The following DTWD1 variants were observed in gnomAD, a reference collection of about 807,000 sequenced individuals.
DTWD1 encodes tRNA-uridine aminocarboxypropyltransferase 1.
In DTWD1, 27 loss-of-function variants were observed where a neutral mutation model predicts 30.2. The ratio of observed to expected loss-of-function variants is 0.90; its 90% CI spans 0.66 to 1.23. The LOEUF (loss-of-function observed/expected upper bound fraction) is 1.23. Among genes scored for constraint, DTWD1 ranks in the 50% most tolerant of loss-of-function variants. The probability of loss-of-function intolerance (pLI) is 0.00; values close to 1 mark genes in which losing one functional copy is unlikely to be tolerated. For missense variants in DTWD1, 342 were observed against 348.8 expected (o/e 0.98, Z 0.15); for synonymous variants, 99 against 113.1 (o/e 0.88, Z 0.79).
At chr15:49,627,145 A>T (rs191266716) in intron 2 of DTWD1, among the ~76,000 whole-genome samples, 10 of 152,204 alleles carry the variant, frequency 6.6e-5, no homozygotes, top group Non-Finnish European at 1.2e-4. Flanking sequence ...GGTATTTTCC[A>T]AATCAGTGGT....
At chr15:49,623,703 A>G (rs992459604) in intron 1 of DTWD1, 2 of 152,170 alleles carry the variant, frequency 1.3e-5, no homozygotes, top group Non-Finnish European at 2.9e-5. Flanking sequence ...GTGATTCCTA[A>G]AAGAATCTGA....
rs1252110335 is a variant in DTWD1, at chr15:49,651,745, T to G, written c.*8167T>G. On this transcript the variant is annotated 3_prime_UTR_variant, in exon 5 of 5. Transcript: ENST00000403028. ...CCTCAGTCAGTATCACCATTTGAGT[T>G]TACTTAGTATTGTATTGACCAGCAT... The G allele has an allele frequency of 1.3e-5, 2 of 152,188 alleles. No individual in the cohort carries two copies. The highest frequency in any genetic ancestry group is 2.4e-5 in the African/African-American group (1 of 41,458). 9.4% of individuals were successfully genotyped at this position (152,188 alleles called of 1,614,324 possible).
In DTWD1 at chr15:49,652,122, A is replaced by G. The variant is rs757283986; in HGVS notation, c.*8544A>G. The G allele has an allele frequency of 1.3e-5, 2 of 152,134 alleles. No individual in the cohort carries two copies. Among genetic ancestry groups the G allele is most frequent in the Non-Finnish European group, 2.9e-5 (2 of 68,014 alleles). The allele number at this position is 152,134 out of a possible 1,614,324, so 9.4% of individuals were successfully genotyped here. A position where few individuals can be genotyped will look rare whatever the true frequency, so the allele number is the denominator to read the frequency against. ...AGAAGAGGTGCCTCCCCTCCGTGCC[A>G]TCACTTTTAATGACCCATATGGTAC... On this transcript the variant is annotated 3_prime_UTR_variant, in exon 5 of 5. Transcript: ENST00000403028.
intron 4 of DTWD1, among the ~76,000 whole-genome samples, chr15:49,642,057 A>C (rs2079071752): frequency 6.6e-6 from 1 of 150,662 alleles, no homozygotes; most frequent in Non-Finnish European, 1.5e-5. Flanking sequence ...TCTTCCTCGA[A>C]CTCCTGTTAG....
rs1249501731 is a variant in DTWD1, at chr15:49,644,773, CTT to C, written c.*1196_*1197del. The C allele has an allele frequency of 6.6e-6, 1 of 152,148 alleles. No homozygotes were observed. The highest frequency in any genetic ancestry group is 1.5e-5 in the Non-Finnish European group (1 of 68,022). 9.4% of individuals were successfully genotyped at this position (152,148 alleles called of 1,614,324 possible). ...TGCTCCCTCCCTTTACCCCTTTTCA[CTT>C]AGGGTTGGTAATAGCTTACAGTTAT... On this transcript the variant is annotated 3_prime_UTR_variant, in exon 5 of 5. Transcript: ENST00000403028.
chr15:49,632,996 AT>A (rs1280556045), intron 3 of DTWD1, among the ~76,000 whole-genome samples: 1 of 147,192 alleles, frequency 6.8e-6, no homozygotes. Flanking sequence ...TAGTGCATTC[AT>A]TTGTTCCAGG....
In DTWD1 at chr15:49,630,927, A is replaced by T. The variant is rs113710192; in HGVS notation, c.265-1232A>T. The T allele has an allele frequency of 2.1e-3, 867 of 410,388 alleles. 9 individuals carry two copies. The highest frequency in any genetic ancestry group is 0.016 in the African/African-American group (777 of 48,288). The allele number at this position is 410,388 out of a possible 1,614,324, so 25.4% of individuals were successfully genotyped here. A position where few individuals can be genotyped will look rare whatever the true frequency, so the allele number is the denominator to read the frequency against. ...ATGAACCCTATTGTGAACTGTGCAT[A>T]CAAGGGACCTAGATTGCATGCTCCT... On this transcript the variant is annotated intron_variant, in intron 2 of 4. Transcript: ENST00000403028.
At chr15:49,640,713 A>T (rs2079055797) in intron 4 of DTWD1, among the ~76,000 whole-genome samples, 1 of 149,920 alleles carries the variant, frequency 6.7e-6, no homozygotes, top group Non-Finnish European at 1.5e-5. Context: ...TTATTTGGCC[A>T]TATACGTGTC....
intron 4 of DTWD1, among the ~76,000 whole-genome samples, chr15:49,635,897 GA>G (rs2078995679): frequency 1.3e-5 from 2 of 152,236 alleles, no homozygotes; most frequent in East Asian, 3.9e-4. Context: ...ACAGCTGTGA[GA>G]CCATCACTAC....
At chr15:49,628,660 CTT>C (rs766567516) in intron 2 of DTWD1, among the ~76,000 whole-genome samples, 10 of 152,028 alleles carry the variant, frequency 6.6e-5, no homozygotes, top group Non-Finnish European at 1.2e-4. Context: ...TGGTAAGTCT[CTT>C]TTATAAAACA....
At chr15:49,637,920 T>C (rs1352593345) in intron 4 of DTWD1, among the ~76,000 whole-genome samples, 3 of 152,214 alleles carry the variant, frequency 2.0e-5, no homozygotes, top group Admixed American at 2.0e-4. Flanking sequence ...GAAAGTCTAA[T>C]TGTGTGCGCT....
intron 2 of DTWD1, chr15:49,631,066 G>A (rs1001571146): frequency 1.2e-5 from 5 of 404,044 alleles, no homozygotes; most frequent in Non-Finnish European, 2.5e-5. Context: ...ATGGTGAGTT[G>A]TATAATTATT....
intron 1 of DTWD1, among the ~76,000 whole-genome samples, chr15:49,621,775 G>A (rs2078724264): frequency 6.6e-6 from 1 of 152,164 alleles, no homozygotes; most frequent in African/African-American, 2.4e-5. Context: ...ATGGCGGGTG[G>A]TGTGGGAGAG....
At chr15:49,630,723 C>G (rs957405517) in intron 2 of DTWD1, 8 of 152,500 alleles carry the variant, frequency 5.2e-5, no homozygotes, top group African/African-American at 1.9e-4. Flanking sequence ...CAGGGGTCCC[C>G]AATCCCCAGA....
At chr15:49,631,344 G>A (rs1205391032) in intron 2 of DTWD1, among the ~76,000 whole-genome samples, 1 of 152,180 alleles carries the variant, frequency 6.6e-6, no homozygotes. Flanking sequence ...TTGAAAATGT[G>A]ATGCCGAAAA....
intron 4 of DTWD1, among the ~76,000 whole-genome samples, 154 bp downstream of exon 4, chr15:49,634,948 G>A (rs1339774691): frequency 6.6e-6 from 1 of 152,240 alleles, no homozygotes; most frequent in Middle Eastern, 3.4e-3. Flanking sequence ...ATATGTGAGT[G>A]TGTATTTATA....
At chr15:49,627,178 A>G (rs957341036) in intron 2 of DTWD1, among the ~76,000 whole-genome samples, 27 of 152,140 alleles carry the variant, frequency 1.8e-4, no homozygotes, top group African/African-American at 6.3e-4. Flanking sequence ...ATTTAATAGA[A>G]ATGACTCAAG....
At chr15:49,628,991 C>T (rs2153351857) in intron 2 of DTWD1, among the ~76,000 whole-genome samples, 1 of 152,224 alleles carries the variant, frequency 6.6e-6, no homozygotes, top group East Asian at 1.9e-4. Context: ...CCCCTAGCTC[C>T]CCACCCCCAG....
chr15:49,638,518 A>G (rs1262685427), intron 4 of DTWD1, among the ~76,000 whole-genome samples: 1 of 152,198 alleles, frequency 6.6e-6, no homozygotes, highest in Non-Finnish European at 1.5e-5. Context: ...ACATATCTAT[A>G]ACCTCTGTAT....
Sources: allele counts gnomAD v4.1 joint callset (sites outside exome capture counted in the v4.1 genomes callset), GRCh38; gene constraint gnomAD v4.1.1; transcripts MANE v1.5; gene names NCBI Gene and HGNC (gene_info 2026-07-23, HGNC 2026-07-21).